Variants in ARHGEF4 observed in about 807,000 individuals in gnomAD.
ARHGEF4 encodes the protein APC-stimulated guanine nucleotide exchange factor 1.
ARHGEF4 carries 119 observed loss-of-function variants against 162.0 expected under a neutral mutation model. The ratio of observed to expected loss-of-function variants is 0.73; its 90% CI spans 0.63 to 0.86. The LOEUF is 0.86. Ranked by LOEUF, ARHGEF4 falls within the 40% of genes least tolerant of loss-of-function variation. The pLI is 0.00. For missense variants in ARHGEF4, 2,488 were observed against 2,456.0 expected (o/e 1.01, Z -0.28); for synonymous variants, 1,014 against 979.9 (o/e 1.03, Z -0.65).
intron 3 of ARHGEF4, among the ~76,000 whole-genome samples, chr2:130,937,669 AT>A (rs34020875): frequency 0.066 from 9,241 of 140,806 alleles, 900 homozygotes; most frequent in African/African-American, 0.22. Context: ...TTGTATCATA[AT>A]TTTTTTTTTT....
chr2:130,837,044 G>A, intron 1 of ARHGEF4, 52 bp downstream of exon 1: 2 of 1,224,836 alleles, frequency 1.6e-6, no homozygotes, highest in Non-Finnish European at 1.0e-6. Context: ...CCCTGCGCGG[G>A]TGGGGAGGAG....
At chr2:131,027,117 C>A (rs2105366936) in intron 4 of ARHGEF4, among the ~76,000 whole-genome samples, 1 of 152,312 alleles carries the variant, frequency 6.6e-6, no homozygotes, top group Middle Eastern at 3.4e-3. Context: ...CAGACACTGT[C>A]CAGCAGCACC....
intron 4 of ARHGEF4, among the ~76,000 whole-genome samples, chr2:130,966,311 CTG>C (rs1684999034): frequency 1.3e-5 from 2 of 152,214 alleles, no homozygotes; most frequent in Admixed American, 6.5e-5. Context: ...TCAGAATTAA[CTG>C]TGCCTAAGAC....
chr2:131,046,374 G>T lies in ARHGEF4; in HGVS notation c.*185G>T. On this transcript the variant is annotated 3_prime_UTR_variant, in exon 14 of 14. Coordinates refer to ENST00000409359, the MANE Select transcript of ARHGEF4 (RefSeq NM_001367493.1). ...TGTTGTCTTTTTCCCTGCTCCTGGT[G>T]CCCTGAAGAGACCAGCAAGGGGGCA... is the stretch of plus-strand genomic sequence containing the variant. 1 of 645,196 alleles carries T rather than the reference G, an allele frequency of 1.5e-6. No individual in the cohort carries two copies. Among genetic ancestry groups the T allele is most frequent in the Non-Finnish European group, 2.6e-6 (1 of 382,790 alleles). The allele number at this position is 645,196 out of a possible 1,614,324, so 40.0% of individuals were successfully genotyped here.
chr2:131,037,311 C>A (rs1690372189), intron 5 of ARHGEF4, among the ~76,000 whole-genome samples: 1 of 152,242 alleles, frequency 6.6e-6, no homozygotes, highest in Admixed American at 6.5e-5. Context: ...CCATCCCAAG[C>A]AGGCTCTGGA....
At chr2:131,023,307 C>T (rs117455441) in intron 4 of ARHGEF4, among the ~76,000 whole-genome samples, 2 of 151,992 alleles carry the variant, frequency 1.3e-5, no homozygotes, top group East Asian at 1.9e-4. Flanking sequence ...GTGGTGTGAG[C>T]CTGTAATACC....
rs747068969 is a variant in ARHGEF4 at position 130,917,212 on chromosome 2, C to T, written c.3266C>T (p.Pro1089Leu). Residue 1089 changes from proline (P) to leucine (L), a missense_variant, in exon 2 of 14, where the codon CCC (proline) becomes CTC (leucine). This residue lies in a region of ARHGEF4 where 1,642 missense variants were observed against 1,481.5 expected (regional missense o/e 1.11). Transcript: ENST00000409359. Reference sequence around the variant, plus strand: ...GAAAACCCCGGGACGCCCTGCAGACCCACGAGCCCCAAGCCCCTGAGTCCC... The same window carrying T: ...GAAAACCCCGGGACGCCCTGCAGACTCACGAGCCCCAAGCCCCTGAGTCCC... ...AYENPGTPCR[P>L]TSPKPLSPRP... The T allele has an allele frequency of 6.4e-7, 1 of 1,550,520 alleles. No individual in the cohort carries two copies. Among genetic ancestry groups the T allele is most frequent in the South Asian group, 1.2e-5 (1 of 84,054 alleles).
chr2:130,991,900 T>C (rs982526404), intron 4 of ARHGEF4, among the ~76,000 whole-genome samples: 31 of 152,258 alleles, frequency 2.0e-4, no homozygotes, highest in Non-Finnish European at 3.4e-4. Flanking sequence ...TGAAGCCAGC[T>C]GGGCTCCCGA....
chr2:130,905,948 T>C (rs1423228519), intron 1 of ARHGEF4, among the ~76,000 whole-genome samples: 1 of 152,204 alleles, frequency 6.6e-6, no homozygotes, highest in African/African-American at 2.4e-5. Context: ...CAGTCACTTA[T>C]TTGTATCAGT....
At chr2:131,017,225 A>G (rs1167791758) in intron 4 of ARHGEF4, among the ~76,000 whole-genome samples, 1 of 152,182 alleles carries the variant, frequency 6.6e-6, no homozygotes, top group Non-Finnish European at 1.5e-5. Context: ...TAGCTTTGTA[A>G]GAGAGTTTGA....
intron 1 of ARHGEF4, among the ~76,000 whole-genome samples, chr2:130,904,941 T>C (rs559332672): frequency 1.9e-3 from 285 of 152,232 alleles, no homozygotes; most frequent in Middle Eastern, 3.4e-3. Context: ...TAGCCAGGCG[T>C]GGTGGCACTT....
At chr2:131,028,742 T>G (rs76009881) in intron 5 of ARHGEF4, among the ~76,000 whole-genome samples, 9,238 of 152,120 alleles carry the variant, frequency 0.061, 949 homozygotes, top group African/African-American at 0.21. Flanking sequence ...AACTGGAGGG[T>G]GTTGTTGAAC....
At chr2:130,964,278 C>T in intron 4 of ARHGEF4, 1 of 985,034 alleles carries the variant, frequency 1.0e-6, no homozygotes, top group Non-Finnish European at 1.2e-6. Flanking sequence ...CCGCGCCGCA[C>T]GCGCCCTCCG....
intron 1 of ARHGEF4, among the ~76,000 whole-genome samples, chr2:130,846,169 A>T (rs1680951204): frequency 6.6e-6 from 1 of 151,590 alleles, no homozygotes; most frequent in South Asian, 2.1e-4. Flanking sequence ...TCCTGTATCC[A>T]CTCTCTGTGT....
At chr2:130,870,667 A>T (rs1355632817) in intron 1 of ARHGEF4, among the ~76,000 whole-genome samples, 2 of 151,422 alleles carry the variant, frequency 1.3e-5, no homozygotes, top group Non-Finnish European at 2.9e-5. Flanking sequence ...ATCCCTGGGG[A>T]GGGGAAGGGA....
intron 4 of ARHGEF4, among the ~76,000 whole-genome samples, chr2:130,987,450 A>G (rs1440146011): frequency 6.6e-6 from 1 of 152,234 alleles, no homozygotes; most frequent in African/African-American, 2.4e-5. Flanking sequence ...CTTCCACAGC[A>G]TGGAACAGGA....
chr2:131,041,999 A>G, intron 10 of ARHGEF4, 55 bp downstream of exon 10: 1 of 1,575,076 alleles, frequency 6.3e-7, no homozygotes, highest in East Asian at 2.3e-5. Context: ...TCGCTTTAAA[A>G]TCATGCTTGC....
At chr2:131,018,337 T>G (rs1317490882) in intron 4 of ARHGEF4, among the ~76,000 whole-genome samples, 1 of 152,240 alleles carries the variant, frequency 6.6e-6, no homozygotes, top group Non-Finnish European at 1.5e-5. Flanking sequence ...ATTAGTGATG[T>G]CGTATGTCCT....
At chr2:131,017,565 G>A (rs1223494966) in intron 4 of ARHGEF4, among the ~76,000 whole-genome samples, 1 of 152,146 alleles carries the variant, frequency 6.6e-6, no homozygotes, top group East Asian at 1.9e-4. Context: ...TGGGACTACT[G>A]AAAAGCCAAG....
Sources: gnomAD v4.1 joint callset for allele counts (sites outside exome capture counted in the v4.1 genomes callset) on GRCh38, gnomAD v4.1.1 for gene constraint, gnomAD v4.1.1 regional missense constraint, MANE v1.5 for transcripts, NCBI Gene and HGNC (gene_info 2026-07-23, HGNC 2026-07-21) for gene names.